Variants in SDK1 observed in about 807,000 individuals in gnomAD.
SDK1 encodes the protein sidekick cell adhesion molecule 1, also known as protein sidekick-1.
SDK1 carries 157 observed loss-of-function variants against 245.5 expected under a neutral mutation model. The ratio of observed to expected loss-of-function variants is 0.64; its 90% CI spans 0.56 to 0.73. SDK1 has a LOEUF of 0.73. SDK1 is among the 30% of genes least tolerant of loss of function. The pLI, the probability that SDK1 is intolerant of heterozygous loss-of-function variation, is 0.00. For missense variants in SDK1, 3,583 were observed against 3,002.3 expected, an observed-to-expected ratio of 1.19 and a Z score of -4.52; for synonymous variants, 1,647 against 1,278.5, an observed-to-expected ratio of 1.29 and a Z score of -6.15.
At chr7:3,665,018 A>C (rs1783483111) in intron 4 of SDK1, among the ~76,000 whole-genome samples, 1 of 152,228 alleles carries the variant, frequency 6.6e-6, no homozygotes, top group African/African-American at 2.4e-5. Flanking sequence ...TCTTCTGAAT[A>C]ACTCAGAGAT....
chr7:4,140,064 C>G (rs1183780748), intron 28 of SDK1, among the ~76,000 whole-genome samples: 1 of 152,118 alleles, frequency 6.6e-6, no homozygotes, highest in East Asian at 1.9e-4. Context: ...CTCCAGAGTG[C>G]CTTGTCCCCC....
At chr7:3,529,168 A>G (rs772708362) in intron 1 of SDK1, among the ~76,000 whole-genome samples, 1 of 152,196 alleles carries the variant, frequency 6.6e-6, no homozygotes, top group Non-Finnish European at 1.5e-5. Flanking sequence ...TAATGTAAAC[A>G]CATGGTTTTG....
intron 38 of SDK1, among the ~76,000 whole-genome samples, chr7:4,213,180 G>A (rs372559665): frequency 2.9e-4 from 44 of 152,294 alleles, no homozygotes; most frequent in African/African-American, 1.0e-3. Flanking sequence ...TTGGGAGGAC[G>A]AGGCAAGTGG....
intron 5 of SDK1, among the ~76,000 whole-genome samples, chr7:3,900,296 G>C (rs1224560125): frequency 6.6e-6 from 1 of 152,136 alleles, no homozygotes; most frequent in Non-Finnish European, 1.5e-5. Flanking sequence ...ACGCGTAATT[G>C]AACAGAGTCT....
chr7:3,946,080 A>C (rs1464216403), intron 5 of SDK1, among the ~76,000 whole-genome samples: 4 of 151,292 alleles, frequency 2.6e-5, no homozygotes, highest in Non-Finnish European at 5.9e-5. Flanking sequence ...GGAGAAAATT[A>C]TGAAGGAACT....
At chr7:3,532,277 C>G (rs985238842) in intron 1 of SDK1, among the ~76,000 whole-genome samples, 1 of 152,106 alleles carries the variant, frequency 6.6e-6, no homozygotes, top group Non-Finnish European at 1.5e-5. Flanking sequence ...TTCTGGTAAG[C>G]CAGGATCCAG....
At chr7:4,259,220 G>T (rs914400242) in intron 44 of SDK1, among the ~76,000 whole-genome samples, 1 of 152,134 alleles carries the variant, frequency 6.6e-6, no homozygotes, top group Non-Finnish European at 1.5e-5. Flanking sequence ...GGGCAAATCA[G>T]CTGAGGTCAG....
chr7:3,684,633 A>G (rs913414341), intron 4 of SDK1, among the ~76,000 whole-genome samples: 17 of 152,262 alleles, frequency 1.1e-4, no homozygotes, highest in African/African-American at 4.1e-4. Flanking sequence ...CACAACTTGA[A>G]TGAGAAAAGC....
At chr7:3,466,717 A>G (rs961858231) in intron 1 of SDK1, among the ~76,000 whole-genome samples, 2 of 151,652 alleles carry the variant, frequency 1.3e-5, no homozygotes, top group African/African-American at 2.4e-5. Context: ...TGGCAGAACT[A>G]TTTATACGAT....
At chr7:4,176,678 A>G (rs975468244) in intron 34 of SDK1, among the ~76,000 whole-genome samples, 3 of 152,056 alleles carry the variant, frequency 2.0e-5, no homozygotes, top group Admixed American at 6.5e-5. Flanking sequence ...TCCACATTCA[A>G]CTTTCTGTCT....
chr7:4,018,098 G>A (rs529956229), intron 17 of SDK1, among the ~76,000 whole-genome samples: 2 of 152,308 alleles, frequency 1.3e-5, no homozygotes, highest in South Asian at 4.1e-4. Flanking sequence ...TCCCAACACA[G>A]CCTCATTTGT....
intron 4 of SDK1, among the ~76,000 whole-genome samples, chr7:3,708,821 C>G (rs564128331): frequency 6.6e-6 from 1 of 152,342 alleles, no homozygotes; most frequent in Non-Finnish European, 1.5e-5. Context: ...TTGAAGACAT[C>G]AGATATTTGG....
chr7:3,823,515 A>G (rs1006072478), intron 5 of SDK1, among the ~76,000 whole-genome samples: 2 of 152,230 alleles, frequency 1.3e-5, no homozygotes, highest in African/African-American at 4.8e-5. Flanking sequence ...TAAAGCGAGT[A>G]CAGTGAATTT....
At chr7:4,260,937 T>C (rs1787965007) in intron 44 of SDK1, among the ~76,000 whole-genome samples, 1 of 152,232 alleles carries the variant, frequency 6.6e-6, no homozygotes, top group Non-Finnish European at 1.5e-5. Flanking sequence ...GCAATTCTCC[T>C]AAATGCAGAG....
At chr7:3,879,548 G>T (rs1267546429) in intron 5 of SDK1, among the ~76,000 whole-genome samples, 1 of 152,184 alleles carries the variant, frequency 6.6e-6, no homozygotes, top group East Asian at 1.9e-4. Flanking sequence ...GGCAGAGAAG[G>T]TTCCAATTCT....
chr7:3,540,121 G>C (rs139767072), intron 1 of SDK1, among the ~76,000 whole-genome samples: 120 of 152,284 alleles, frequency 7.9e-4, no homozygotes, highest in African/African-American at 2.8e-3. Flanking sequence ...CAAAAGAAGA[G>C]GGAGGCCGGG....
rs1470036071 is a variant in SDK1, at chr7:4,010,982, G to A, written c.2148G>A (p.Val716=). ...TTCTTTCAGACTCTCCATGGAAGGT[G>A]CATCTGTCAAACGTTGGCCCTGAGA... ...ELSENNSPWK[V]HLSNVGPEMT... The change falls in exon 15 of 45, where the codon GTG becomes GTA. Residue 716 remains valine, a synonymous_variant. Coordinates refer to ENST00000404826, the MANE Select transcript of SDK1 (RefSeq NM_152744.4). 3 of 1,614,104 alleles carry A rather than the reference G, an allele frequency of 1.9e-6. No individual in the cohort carries two copies. The highest frequency in any genetic ancestry group is 2.5e-6 in the Non-Finnish European group (3 of 1,180,036).
chr7:3,821,310 G>A (rs1245499566), intron 4 of SDK1, 140 bp from the exon 5 acceptor site: 29 of 895,426 alleles, frequency 3.2e-5, no homozygotes, highest in Admixed American at 1.5e-4. Context: ...TCTTAAAGTC[G>A]GCCTGTGTAT....
chr7:3,981,831 A>G (rs1021050639), intron 13 of SDK1, among the ~76,000 whole-genome samples: 4 of 152,258 alleles, frequency 2.6e-5, no homozygotes, highest in African/African-American at 9.6e-5. Flanking sequence ...TGCCGTCCCC[A>G]TAACATAAAA....
Sources: allele counts gnomAD v4.1 joint callset (sites outside exome capture counted in the v4.1 genomes callset), GRCh38; gene constraint gnomAD v4.1.1; transcripts MANE v1.5; gene names NCBI Gene and HGNC (gene_info 2026-07-23, HGNC 2026-07-21).